Variants in ARHGEF26 observed in about 807,000 individuals in gnomAD.
ARHGEF26 encodes the protein Rho guanine nucleotide exchange factor (GEF) 26.
In ARHGEF26, 59 loss-of-function variants were observed where a neutral mutation model predicts 89.4. The ratio of observed to expected loss-of-function variants is 0.66; its 90% CI spans 0.54 to 0.82. ARHGEF26 has a LOEUF of 0.82. Ranked by LOEUF, ARHGEF26 falls within the 40% of genes least tolerant of loss-of-function variation. ARHGEF26 has a pLI of 0.00. For missense variants in ARHGEF26, 1,234 were observed against 1,085.6 expected (o/e 1.14, Z -1.92); for synonymous variants, 500 against 428.4 (o/e 1.17, Z -2.06).
chr3:154,187,283 A>G (rs964876416), intron 6 of ARHGEF26: 9 of 882,350 alleles, frequency 1.0e-5, no homozygotes, highest in Admixed American at 6.2e-5. Context: ...CCCTTCCCAT[A>G]AAGAATTCTT....
At chr3:154,217,268 C>G (rs1715821252) in intron 9 of ARHGEF26, among the ~76,000 whole-genome samples, 1 of 150,974 alleles carries the variant, frequency 6.6e-6, no homozygotes, top group Non-Finnish European at 1.5e-5. Context: ...TTTTGATTTG[C>G]ATTTCTCTGA....
At chr3:154,136,684 TG>T (rs1256028729) in intron 4 of ARHGEF26, among the ~76,000 whole-genome samples, 1 of 152,240 alleles carries the variant, frequency 6.6e-6, no homozygotes, top group African/African-American at 2.4e-5. Flanking sequence ...TTTGCAGAAA[TG>T]CTTAATGCAT....
chr3:154,144,649 G>A (rs1292469579), intron 4 of ARHGEF26, among the ~76,000 whole-genome samples: 4 of 152,192 alleles, frequency 2.6e-5, no homozygotes, highest in Non-Finnish European at 5.9e-5. Context: ...CAGGAATCCT[G>A]GCTCTGTCTG....
chr3:154,226,661 ACACACAC>A (rs1441511861), intron 11 of ARHGEF26, among the ~76,000 whole-genome samples: 1 of 458 alleles, frequency 2.2e-3, no homozygotes, highest in Non-Finnish European at 9.4e-3. Context: ...TTTCTGTTCT[ACACACAC>A]ACACACACAC....
chr3:154,248,237 C>G (rs1717914281), intron 12 of ARHGEF26, among the ~76,000 whole-genome samples: 1 of 152,192 alleles, frequency 6.6e-6, no homozygotes, highest in African/African-American at 2.4e-5. Flanking sequence ...TTCTCCCTCA[C>G]AGAGCTAGAA....
intron 11 of ARHGEF26, among the ~76,000 whole-genome samples, chr3:154,227,232 C>T (rs1316174541): frequency 2.6e-5 from 4 of 152,026 alleles, no homozygotes; most frequent in African/African-American, 9.7e-5. Flanking sequence ...TCCATATCTC[C>T]AAGGAGAAAT....
chr3:154,225,535 C>T (rs975826987), intron 10 of ARHGEF26, among the ~76,000 whole-genome samples: 3 of 152,022 alleles, frequency 2.0e-5, no homozygotes, highest in Admixed American at 6.6e-5. Context: ...TTGTAAATAA[C>T]TCCTTACTTT....
At position 154,255,788 on chromosome 3, in the gene ARHGEF26, CA is replaced by C; in HGVS notation, c.*316del. On this transcript the variant is annotated 3_prime_UTR_variant, in exon 15 of 15. Transcript: ENST00000465093. ...CACCATGTTCTGGCAATAAAAAACACATATTATATCCTGGTTTTCTCTATCC... is the reference window on the plus strand; with the variant it reads ...CACCATGTTCTGGCAATAAAAAACACTATTATATCCTGGTTTTCTCTATCC... The C allele has an allele frequency of 1.8e-6, 2 of 1,124,600 alleles. No homozygotes were observed. Among genetic ancestry groups the C allele is most frequent in the Non-Finnish European group, 2.2e-6 (2 of 919,712 alleles). The allele number at this position is 1,124,600 out of a possible 1,614,324, so 69.7% of individuals were successfully genotyped here.
At chr3:154,156,330 T>G (rs980751366) in intron 6 of ARHGEF26, among the ~76,000 whole-genome samples, 2 of 152,122 alleles carry the variant, frequency 1.3e-5, no homozygotes, top group African/African-American at 4.8e-5. Flanking sequence ...ATTAAAAATT[T>G]TATCTCTGTC....
chr3:154,190,331 A>T (rs1298346425), intron 7 of ARHGEF26, among the ~76,000 whole-genome samples: 9 of 152,174 alleles, frequency 5.9e-5, no homozygotes, highest in African/African-American at 2.2e-4. Context: ...GGCCAACATG[A>T]AACCTTTTCT....
At chr3:154,226,692 CA>C (rs1559912594) in intron 11 of ARHGEF26, among the ~76,000 whole-genome samples, 105 of 151,746 alleles carry the variant, frequency 6.9e-4, no homozygotes, top group Middle Eastern at 3.4e-3. Flanking sequence ...CACACACACA[CA>C]CACCCCTTCA....
chr3:154,147,209 AG>A (rs1247652643), intron 4 of ARHGEF26, among the ~76,000 whole-genome samples: 2 of 152,336 alleles, frequency 1.3e-5, no homozygotes, highest in Non-Finnish European at 2.9e-5. Flanking sequence ...GTTCCAGACC[AG>A]CCTGACCAAC....
In ARHGEF26 at chr3:154,257,175, C is replaced by T; in HGVS notation, c.*1702C>T. 3 of 519,282 alleles carry T rather than the reference C, an allele frequency of 5.8e-6. No individual in the cohort carries two copies. The highest frequency in any genetic ancestry group is 6.5e-6 in the Non-Finnish European group (2 of 305,740). 32.2% of individuals were successfully genotyped at this position (519,282 alleles called of 1,614,324 possible). A position where few individuals can be genotyped will look rare whatever the true frequency, so the allele number is the denominator to read the frequency against. On this transcript the variant is annotated 3_prime_UTR_variant, in exon 15 of 15. Transcript: ENST00000465093. ...CTCGGCAATGAGCCAGTGTGGGGCA[C>T]TGGGGACTTCTAACCCTTGGATTGC...
At chr3:154,196,762 T>C (rs1714315567) in intron 9 of ARHGEF26, among the ~76,000 whole-genome samples, 1 of 152,104 alleles carries the variant, frequency 6.6e-6, no homozygotes, top group Non-Finnish European at 1.5e-5. Context: ...CCTGTGCTGC[T>C]TTCCTAGAGG....
Position 154,256,742 on chromosome 3 carries a change from T to G in ARHGEF26, c.*1269T>G. ...CTTAAAAGATACCAAGAAGTCAGCA[T>G]GGTACCCAATTGAAACCTTTTGACC... On this transcript the variant is annotated 3_prime_UTR_variant, in exon 15 of 15. Transcript: ENST00000465093. 7.1e-7 allele frequency: 1 copy of G among 1,409,436 alleles called. No homozygotes were observed. The highest frequency in any genetic ancestry group is 9.2e-7 in the Non-Finnish European group (1 of 1,088,684). 87.3% of individuals were successfully genotyped at this position (1,409,436 alleles called of 1,614,324 possible). A position where few individuals can be genotyped will look rare whatever the true frequency, so the allele number is the denominator to read the frequency against.
At chr3:154,207,884 A>G (rs1715126940) in intron 9 of ARHGEF26, among the ~76,000 whole-genome samples, 1 of 151,894 alleles carries the variant, frequency 6.6e-6, no homozygotes, top group African/African-American at 2.4e-5. Flanking sequence ...AAGAAAATGT[A>G]CATATACACC....
chr3:154,152,871 A>T lies in ARHGEF26; in HGVS notation c.1426A>T (p.Thr476Ser). ...TTCTAAAGAACTGAGTGATACAATG[A>T]CTAAAACCGAGAGGCACCATCTTTT... ...KNSKELSDTM[T>S]KTERHHLFSN... The change falls in exon 6 of 15, where the codon ACT (threonine) becomes TCT (serine). Residue 476 changes from threonine to serine, a missense_variant. By Grantham distance (58) the Thr-to-Ser change is moderately conservative. Transcript: ENST00000465093. 6.3e-7 allele frequency: 1 copy of T among 1,597,134 alleles called. No individual in the cohort carries two copies. Among genetic ancestry groups the T allele is most frequent in the Non-Finnish European group, 8.5e-7 (1 of 1,171,594 alleles).
intron 12 of ARHGEF26, 58 bp from the exon 13 acceptor site, chr3:154,253,058 A>C (rs1354676853): frequency 1.9e-6 from 3 of 1,596,958 alleles, no homozygotes; most frequent in Non-Finnish European, 2.6e-6. Context: ...CCTAGAAAAC[A>C]CTCCATTCTG....
chr3:154,218,970 C>G (rs1350367961), intron 10 of ARHGEF26, among the ~76,000 whole-genome samples: 2 of 152,152 alleles, frequency 1.3e-5, no homozygotes, highest in African/African-American at 2.4e-5. Context: ...CATTCTGACT[C>G]TAATGGTTTA....
Sources: gnomAD v4.1 joint callset for allele counts (sites outside exome capture counted in the v4.1 genomes callset) on GRCh38, gnomAD v4.1.1 for gene constraint, MANE v1.5 for transcripts, NCBI Gene and HGNC (gene_info 2026-07-23, HGNC 2026-07-21) for gene names.